The following LIMCH1 variants were observed in gnomAD, a reference collection of about 807,000 sequenced individuals.
LIMCH1 encodes the protein LIM and calponin homology domains-containing protein 1.
LIMCH1 carries 113 observed loss-of-function variants against 176.5 expected under a neutral mutation model. The observed-to-expected ratio is 0.64, with a 90% confidence interval of 0.55 to 0.75. The LOEUF is 0.75. Among genes scored for constraint, LIMCH1 ranks in the 30% least tolerant of loss-of-function variants. The pLI is 0.00. For missense variants in LIMCH1, 1,674 were observed against 1,814.9 expected (o/e 0.92, Z 1.41); for synonymous variants, 619 against 645.9 (o/e 0.96, Z 0.63).
chr4:41,441,329 A>T (rs984663899), intron 1 of LIMCH1, among the ~76,000 whole-genome samples: 4 of 152,210 alleles, frequency 2.6e-5, no homozygotes, highest in African/African-American at 7.2e-5. Context: ...ATGTATTTTT[A>T]AAATTATTGC....
At chr4:41,520,317 C>T (rs1489128765) in intron 2 of LIMCH1, among the ~76,000 whole-genome samples, 2 of 152,040 alleles carry the variant, frequency 1.3e-5, no homozygotes, top group African/African-American at 4.8e-5. Context: ...TACCTCAAAG[C>T]CTTTCTGCTG....
At chr4:41,463,700 C>A (rs1286620787) in intron 1 of LIMCH1, among the ~76,000 whole-genome samples, 1 of 151,974 alleles carries the variant, frequency 6.6e-6, no homozygotes, top group Non-Finnish European at 1.5e-5. Context: ...CTCAGCACCC[C>A]CCGAGCAGCT....
At chr4:41,388,165 G>T (rs2056742086) in intron 1 of LIMCH1, among the ~76,000 whole-genome samples, 1 of 152,306 alleles carries the variant, frequency 6.6e-6, no homozygotes, top group Admixed American at 6.5e-5. Context: ...CTACCTTAGA[G>T]AATTGAAAAC....
rs538489218 is a variant in LIMCH1, at chr4:41,433,190, G to A, written c.97-61346G>A. On this transcript the variant is annotated intron_variant, in intron 1 of 26. Transcript: ENST00000313860. ...GGAGGGCATTTAGTGAAAAAACAAA[G>A]CACAACAAAACCCTTGCAAATGAGC... Among the ~76,000 whole-genome samples, 12 of 152,314 alleles carry A rather than the reference G, an allele frequency of 7.9e-5. No individual in the cohort carries two copies. In the South Asian group the frequency reaches 2.5e-3, roughly 32 times the overall value.
Position 41,629,544 on chromosome 4 carries a change from G to C in LIMCH1, c.1081G>C (p.Ala361Pro). The C allele has an allele frequency of 6.5e-7, 1 of 1,536,044 alleles. No individual in the cohort carries two copies. The highest frequency in any genetic ancestry group is 8.7e-7 in the Non-Finnish European group (1 of 1,146,888). ...VKLIVTCNMRAQESEPVEGGL... is the reference protein window; with the variant it reads ...VKLIVTCNMRPQESEPVEGGL... Reference sequence around the variant, plus strand: ...GTTGATAGTGACCTGTAACATGAGGGCTCAGGAAAGTGAACCTGTGGAAGG... The same window carrying C: ...GTTGATAGTGACCTGTAACATGAGGCCTCAGGAAAGTGAACCTGTGGAAGG... The change falls in exon 9 of 32, where the codon GCT (alanine) becomes CCT (proline). Residue 361 changes from alanine to proline, a missense_variant. Physicochemically the swap from Ala to Pro is conservative, Grantham distance 27. This residue lies in a region of LIMCH1 where 655 missense variants were observed against 692.2 expected (regional missense o/e 0.95). Transcript: ENST00000503057.
chr4:41,690,589 G>A (rs1352242236), intron 30 of LIMCH1, among the ~76,000 whole-genome samples: 4 of 152,052 alleles, frequency 2.6e-5, no homozygotes, highest in African/African-American at 9.7e-5. Flanking sequence ...TCCCTTCTTG[G>A]ATTTTCTTTT....
intron 14 of LIMCH1, among the ~76,000 whole-genome samples, chr4:41,642,271 C>T (rs1449914773): frequency 6.6e-5 from 10 of 151,988 alleles, no homozygotes; most frequent in African/African-American, 2.4e-4. Context: ...TATAAATCAC[C>T]TTAAAAGATG....
chr4:41,410,299 A>G lies in LIMCH1; in HGVS notation c.96+49363A>G, dbSNP rs146079747. ...ATGATTCCTAGGGCCTGTAGATTGC[A>G]TCTTACACAATATTGGATTCTGCTC... On this transcript the variant is annotated intron_variant, in intron 1 of 26. Transcript: ENST00000313860. Among the ~76,000 whole-genome samples, 11 of 152,250 alleles carry G rather than the reference A, an allele frequency of 7.2e-5. No homozygotes were observed. In the East Asian group the frequency reaches 2.1e-3, roughly 29 times the overall value.
intron 1 of LIMCH1, among the ~76,000 whole-genome samples, chr4:41,384,210 C>CT (rs112813036): frequency 0.056 from 8,132 of 144,456 alleles, 303 homozygotes; most frequent in Non-Finnish European, 0.087. Flanking sequence ...ATCCTGCTTT[C>CT]TTTTTTTTTT....
chr4:41,671,298 A>G (rs1286676899), intron 21 of LIMCH1, among the ~76,000 whole-genome samples: 1 of 152,010 alleles, frequency 6.6e-6, no homozygotes, highest in African/African-American at 2.4e-5. Context: ...TGATGTGATC[A>G]ATCATTTGAT....
chr4:41,613,985 G>A (rs1011418380), intron 5 of LIMCH1, among the ~76,000 whole-genome samples: 1 of 152,184 alleles, frequency 6.6e-6, no homozygotes, highest in African/African-American at 2.4e-5. Context: ...AAGTGTGCTG[G>A]AGGTTTATAT....
At chr4:41,479,272 A>G (rs1055781018) in intron 1 of LIMCH1, among the ~76,000 whole-genome samples, 1 of 152,118 alleles carries the variant, frequency 6.6e-6, no homozygotes, top group African/African-American at 2.4e-5. Context: ...TGTTTGTTCA[A>G]AATAGTATTT....
chr4:41,369,834 A>C (rs886266855), intron 1 of LIMCH1, among the ~76,000 whole-genome samples: 6 of 151,612 alleles, frequency 4.0e-5, no homozygotes, highest in Non-Finnish European at 7.4e-5. Context: ...CCACTGCCTG[A>C]GCGCTTTCTC....
chr4:41,662,473 A>G (rs1273112589), intron 19 of LIMCH1, among the ~76,000 whole-genome samples: 7 of 152,212 alleles, frequency 4.6e-5, no homozygotes, highest in Non-Finnish European at 8.8e-5. Flanking sequence ...AACTACCTGT[A>G]GATGTTCTCT....
At chr4:41,643,238 G>C (rs1317432731) in intron 14 of LIMCH1, among the ~76,000 whole-genome samples, 2 of 152,148 alleles carry the variant, frequency 1.3e-5, no homozygotes, top group Non-Finnish European at 1.5e-5. Flanking sequence ...TGCTGCTGCT[G>C]TTCATTGTCT....
chr4:41,635,102 T>C (rs1425556147), intron 13 of LIMCH1, among the ~76,000 whole-genome samples: 1 of 152,210 alleles, frequency 6.6e-6, no homozygotes, highest in African/African-American at 2.4e-5. Context: ...GAGGTCCACA[T>C]GTACACAGCT....
chr4:41,499,799 A>G (rs1043047402), intron 2 of LIMCH1, among the ~76,000 whole-genome samples: 3 of 152,218 alleles, frequency 2.0e-5, no homozygotes, highest in Non-Finnish European at 4.4e-5. Flanking sequence ...GCCTGGCAAC[A>G]GAACAAGACT....
At chr4:41,645,080 G>A (rs2094002714) in intron 15 of LIMCH1, among the ~76,000 whole-genome samples, 2 of 152,114 alleles carry the variant, frequency 1.3e-5, no homozygotes, top group African/African-American at 2.4e-5. Context: ...TATTGTCCTC[G>A]ATTCCACAGA....
chr4:41,381,214 C>A (rs1020263736), intron 1 of LIMCH1, among the ~76,000 whole-genome samples: 2 of 152,266 alleles, frequency 1.3e-5, no homozygotes, highest in African/African-American at 4.8e-5. Flanking sequence ...ATAGAGGAGA[C>A]AAACAGGTGC....
Sources: gnomAD v4.1 joint callset for allele counts (sites outside exome capture counted in the v4.1 genomes callset) on GRCh38, gnomAD v4.1.1 for gene constraint, gnomAD v4.1.1 regional missense constraint, MANE v1.5 for transcripts, NCBI Gene and HGNC (gene_info 2026-07-23, HGNC 2026-07-21) for gene names.